RALYL: variants seen among roughly 807,000 people sequenced by gnomAD.
The protein encoded by RALYL is RALY RNA binding protein like.
RALYL carries 29 observed loss-of-function variants against 35.1 expected under a neutral mutation model. The observed-to-expected ratio is 0.83, with a 90% CI of 0.61 to 1.13. The LOEUF (loss-of-function observed/expected upper bound fraction) is 1.13, where lower values mean the gene tolerates loss of function less well. Among genes scored for constraint, RALYL ranks in the 50% most tolerant of loss-of-function variants. The probability of loss-of-function intolerance (pLI) is 0.00; values close to 1 mark genes in which losing one functional copy is unlikely to be tolerated. For missense variants in RALYL, 359 were observed against 360.4 expected, an observed-to-expected ratio of 1.00 and a Z score of 0.03; for synonymous variants, 120 against 127.6, an observed-to-expected ratio of 0.94 and a Z score of 0.40.
At chr8:84,254,596 A>G (rs74406873) in intron 1 of RALYL, among the ~76,000 whole-genome samples, 1 of 151,958 alleles carries the variant, frequency 6.6e-6, no homozygotes, top group East Asian at 1.9e-4. Flanking sequence ...GGCTTGTGAA[A>G]ATTTTCCTGA....
intron 1 of RALYL, among the ~76,000 whole-genome samples, chr8:84,328,392 T>A (rs1029735978): frequency 1.3e-5 from 2 of 152,198 alleles, no homozygotes; most frequent in Non-Finnish European, 2.9e-5. Flanking sequence ...TCTACATTAA[T>A]CTGACAGACA....
rs1306949533 is a variant in RALYL at position 84,298,158 on chromosome 8, T to TCTA, written c.-24+113734_-24+113735insCTA. Among the ~76,000 whole-genome samples the TCTA allele has an allele frequency of 6.3e-4, 96 of 152,226 alleles. 2 individuals carry two copies. Among genetic ancestry groups the TCTA allele is most frequent in the Non-Finnish European group, 1.5e-4 (10 of 67,974 alleles). ...TCCTAGTTTTCTTCTGGGGTTTGTA[T>TCTA]AGTTTTAGGTTTTACATCTAAGCCT... is the stretch of plus-strand genomic sequence containing the variant. On this transcript the variant is annotated intron_variant, in intron 1 of 8. Transcript: ENST00000521268.
chr8:84,652,220 C>T (rs190725293), intron 2 of RALYL, among the ~76,000 whole-genome samples: 11 of 152,158 alleles, frequency 7.2e-5, no homozygotes, highest in African/African-American at 2.6e-4. Flanking sequence ...TCAAACTTAG[C>T]ATTTTAAATC....
At chr8:84,380,426 T>C (rs16912762) in intron 1 of RALYL, among the ~76,000 whole-genome samples, 4,492 of 151,950 alleles carry the variant, frequency 0.03, 214 homozygotes, top group African/African-American at 0.1. Context: ...TAGACCTTCA[T>C]TGGAGAGTTA....
intron 1 of RALYL, among the ~76,000 whole-genome samples, chr8:84,457,986 A>G (rs1563964738): frequency 6.6e-6 from 1 of 151,840 alleles, no homozygotes; most frequent in Non-Finnish European, 1.5e-5. Context: ...AGTGCCAAGC[A>G]CAGCTTCTGA....
chr8:84,591,469 G>T (rs567596704), intron 2 of RALYL, among the ~76,000 whole-genome samples: 146 of 152,306 alleles, frequency 9.6e-4, no homozygotes, highest in Middle Eastern at 3.4e-3. Context: ...TCAGTAGGTT[G>T]CATTACAGAA....
intron 1 of RALYL, among the ~76,000 whole-genome samples, chr8:84,318,708 C>T (rs946243159): frequency 1.3e-5 from 2 of 152,082 alleles, no homozygotes; most frequent in African/African-American, 2.4e-5. Flanking sequence ...CTCAAAAATA[C>T]TCATCAATTG....
At chr8:84,554,560 G>A (rs1490804253) in intron 2 of RALYL, among the ~76,000 whole-genome samples, 1 of 152,092 alleles carries the variant, frequency 6.6e-6, no homozygotes, top group Admixed American at 6.5e-5. Context: ...CAAAGAGATG[G>A]AGACACATAG....
chr8:84,447,021 G>A (rs1164149939), intron 1 of RALYL, among the ~76,000 whole-genome samples: 1 of 152,060 alleles, frequency 6.6e-6, no homozygotes, highest in Non-Finnish European at 1.5e-5. Context: ...AATTTCAAAA[G>A]CTTAAAATGC....
intron 2 of RALYL, among the ~76,000 whole-genome samples, chr8:84,683,639 T>C (rs1225290996): frequency 6.6e-6 from 1 of 152,140 alleles, no homozygotes; most frequent in Non-Finnish European, 1.5e-5. Context: ...TTAGACGCTT[T>C]TGTGTAGAAG....
intron 2 of RALYL, among the ~76,000 whole-genome samples, chr8:84,689,535 C>T (rs997778592): frequency 6.6e-6 from 1 of 152,104 alleles, no homozygotes; most frequent in Non-Finnish European, 1.5e-5. Flanking sequence ...CCGCAATAAA[C>T]ATACGTGTGC....
chr8:84,320,682 A>G (rs958270183), intron 1 of RALYL, among the ~76,000 whole-genome samples: 1 of 152,168 alleles, frequency 6.6e-6, no homozygotes, highest in African/African-American at 2.4e-5. Context: ...TTAGAGTACA[A>G]TAAATGACCT....
intron 2 of RALYL, among the ~76,000 whole-genome samples, chr8:84,636,190 C>T (rs985094786): frequency 2.0e-5 from 3 of 151,720 alleles, no homozygotes; most frequent in South Asian, 2.1e-4. Context: ...CAAAAAGCCA[C>T]CTTCCTTTTT....
chr8:84,768,998 CA>C (rs1321656439), intron 2 of RALYL, among the ~76,000 whole-genome samples: 1 of 152,086 alleles, frequency 6.6e-6, no homozygotes, highest in Non-Finnish European at 1.5e-5. Flanking sequence ...ATAAATGCTA[CA>C]ATATTTTGTC....
intron 2 of RALYL, among the ~76,000 whole-genome samples, chr8:84,680,693 GTTGT>G (rs1220976728): frequency 0.01 from 1,582 of 152,198 alleles, 33 homozygotes; most frequent in African/African-American, 0.035. Context: ...TGTTGATGGG[GTTGT>G]TTGTTTTTTT....
chr8:84,572,316 G>A (rs1406070462), intron 2 of RALYL, among the ~76,000 whole-genome samples: 3 of 151,654 alleles, frequency 2.0e-5, no homozygotes, highest in South Asian at 2.1e-4. Context: ...ATTGATATGT[G>A]AGAATTTTTC....
chr8:84,391,482 G>T (rs911552054), intron 1 of RALYL, among the ~76,000 whole-genome samples: 1 of 151,940 alleles, frequency 6.6e-6, no homozygotes, highest in Non-Finnish European at 1.5e-5. Flanking sequence ...AATCTGATTT[G>T]TCTGTAGGTT....
intron 8 of RALYL, among the ~76,000 whole-genome samples, chr8:84,900,387 C>A (rs114597213): frequency 0.05 from 7,553 of 152,092 alleles, 611 homozygotes; most frequent in African/African-American, 0.17. Flanking sequence ...AACAAAAAGA[C>A]CTCTCCCGGC....
intron 1 of RALYL, among the ~76,000 whole-genome samples, chr8:84,424,786 C>T (rs2046143979): frequency 1.3e-5 from 2 of 151,942 alleles, no homozygotes; most frequent in African/African-American, 2.4e-5. Context: ...CCCTCAGCTG[C>T]AGGTCTGTTG....
Sources: gnomAD v4.1 joint callset for allele counts (sites outside exome capture counted in the v4.1 genomes callset) on GRCh38, gnomAD v4.1.1 for gene constraint, MANE v1.5 for transcripts, NCBI Gene and HGNC (gene_info 2026-07-23, HGNC 2026-07-21) for gene names.